Variants in ARF3 observed in about 807,000 individuals in gnomAD.
ARF3 encodes the protein ADP-ribosylation factor 3.
In ARF3, 5 loss-of-function variants were observed where a neutral mutation model predicts 19.3. That is an observed-to-expected ratio of 0.26 (90% CI 0.14 to 0.54). The LOEUF (loss-of-function observed/expected upper bound fraction) is 0.54. Among genes scored for constraint, ARF3 ranks in the 20% least tolerant of loss-of-function variants. ARF3 has a pLI of 0.95. For missense variants in ARF3, 77 were observed against 234.2 expected, an observed-to-expected ratio of 0.33 and a Z score of 4.38; for synonymous variants, 71 against 89.2, an observed-to-expected ratio of 0.80 and a Z score of 1.15.
intron 1 of ARF3, among the ~76,000 whole-genome samples, chr12:48,952,418 C>T (rs1446046016): frequency 1.3e-5 from 2 of 152,200 alleles, no homozygotes; most frequent in African/African-American, 4.8e-5. Flanking sequence ...TGTGGTACTG[C>T]CCTCTGCCCA....
intron 1 of ARF3, among the ~76,000 whole-genome samples, chr12:48,951,160 T>G (rs555065933): frequency 6.6e-6 from 1 of 152,358 alleles, no homozygotes; most frequent in East Asian, 1.9e-4. Context: ...CACGTGTGTT[T>G]TCTATTTTTG....
chr12:48,939,850 T>G lies in ARF3; in HGVS notation c.260-71A>C. Reference sequence around the variant, plus strand: ...CTCCCCCCAACCAAAAGACCACACCTGCCTGACACCCTCCAAATATTTGCT... The same window carrying G: ...CTCCCCCCAACCAAAAGACCACACCGGCCTGACACCCTCCAAATATTTGCT... On this transcript the variant is annotated intron_variant, in intron 3 of 4. Transcript: ENST00000256682. The surrounding 1 kb of genome is among the most constrained non-coding windows in gnomAD (Gnocchi z 4.8). The G allele has an allele frequency of 6.2e-7, 1 of 1,605,704 alleles. No individual in the cohort carries two copies. Among genetic ancestry groups the G allele is most frequent in the Non-Finnish European group, 8.5e-7 (1 of 1,173,618 alleles).
In ARF3 at chr12:48,937,016, AACACACCCACACCCATATACACACAC is replaced by A. The variant is rs1396301187; in HGVS notation, c.*1905_*1930del. On this transcript the variant is annotated 3_prime_UTR_variant, in exon 5 of 5. Coordinates refer to ENST00000256682, the MANE Select transcript of ARF3 (RefSeq NM_001659.3). ...ACCCCCCCCACAACCACCACACACAAACACACCCACACCCATATACACACACACTCACACACACACACAGGCCTAGA... is the reference window on the plus strand; with the variant it reads ...ACCCCCCCCACAACCACCACACACAAACTCACACACACACACAGGCCTAGA... 2.6e-5 allele frequency: 4 copies of A among 152,166 alleles called. No homozygotes were observed. The highest frequency in any genetic ancestry group is 5.9e-5 in the Non-Finnish European group (4 of 68,048). 9.4% of individuals were successfully genotyped at this position (152,166 alleles called of 1,614,324 possible).
intron 1 of ARF3, among the ~76,000 whole-genome samples, chr12:48,951,462 G>C (rs1168730178): frequency 6.6e-6 from 1 of 152,078 alleles, no homozygotes; most frequent in Non-Finnish European, 1.5e-5. Flanking sequence ...CAGGAGGCAA[G>C]ACTGGAGGAC....
In ARF3 at chr12:48,939,498, A is replaced by C. The variant is rs953611932; in HGVS notation, c.384+157T>G. On this transcript the variant is annotated intron_variant, in intron 4 of 4. Coordinates refer to ENST00000256682, the MANE Select transcript of ARF3 (RefSeq NM_001659.3). The surrounding 1 kb of genome is among the most constrained non-coding windows in gnomAD (Gnocchi z 4.8). ...TGCTAAATAAAGCTTGGGGTGGGGCACAAGAAGAGGGGCATAAAGAAGCCA... is the reference window on the plus strand; with the variant it reads ...TGCTAAATAAAGCTTGGGGTGGGGCCCAAGAAGAGGGGCATAAAGAAGCCA... Among the ~76,000 whole-genome samples, 1 of 152,198 alleles carries C rather than the reference A, an allele frequency of 6.6e-6. No individual in the cohort carries two copies. Among genetic ancestry groups the C allele is most frequent in the African/African-American group, 2.4e-5 (1 of 41,446 alleles).
rs1357357061 is a variant in ARF3 at position 48,938,344 on chromosome 12, T to A, written c.*603A>T. 2.2e-6 allele frequency: 1 copy of A among 453,796 alleles called. No homozygotes were observed. Among genetic ancestry groups the A allele is most frequent in the African/African-American group, 2.0e-5 (1 of 49,996 alleles). The allele number at this position is 453,796 out of a possible 1,614,324, so 28.1% of individuals were successfully genotyped here. A position where few individuals can be genotyped will look rare whatever the true frequency, so the allele number is the denominator to read the frequency against. ...ATGCCCTCCCACCTTCTTCCCTTAA[T>A]CTCACCAACACGGAAGGGGCAGATG... On this transcript the variant is annotated 3_prime_UTR_variant, in exon 5 of 5. Coordinates refer to ENST00000256682, the MANE Select transcript of ARF3 (RefSeq NM_001659.3).
chr12:48,948,582 G>A (rs1024122619), intron 1 of ARF3, among the ~76,000 whole-genome samples: 3 of 152,086 alleles, frequency 2.0e-5, no homozygotes, highest in Non-Finnish European at 2.9e-5. Context: ...GGAGGCCGAG[G>A]TGGGCGGATC....
intron 1 of ARF3, among the ~76,000 whole-genome samples, chr12:48,947,246 T>TA (rs1940374016): frequency 6.6e-6 from 1 of 151,958 alleles, no homozygotes; most frequent in African/African-American, 2.4e-5. Flanking sequence ...CGACTAGACT[T>TA]AAAGATTTCC....
chr12:48,942,973 G>A (rs1218372385), intron 1 of ARF3, among the ~76,000 whole-genome samples: 1 of 152,174 alleles, frequency 6.6e-6, no homozygotes, highest in Non-Finnish European at 1.5e-5. Flanking sequence ...CGGGCATGGT[G>A]GCACACTCCT....
At chr12:48,942,834 C>G (rs1385228095) in intron 1 of ARF3, among the ~76,000 whole-genome samples, 1 of 152,216 alleles carries the variant, frequency 6.6e-6, no homozygotes, top group African/African-American at 2.4e-5. Context: ...AGGCCGAGCG[C>G]AGTGGCTCAC....
At chr12:48,952,894 A>G (rs1940493690) in intron 1 of ARF3, among the ~76,000 whole-genome samples, 1 of 152,230 alleles carries the variant, frequency 6.6e-6, no homozygotes. Flanking sequence ...AGCTGGAGAT[A>G]CTGATCCTAT....
rs1457592214 is a variant in ARF3 at position 48,938,085 on chromosome 12, T to C, written c.*862A>G. ...GAAGGATCAGTTGAACACTCTAAGC[T>C]GATAAGAGTGAGTGGGTTCCTCTCT... On this transcript the variant is annotated 3_prime_UTR_variant, in exon 5 of 5. Transcript: ENST00000256682. 2 of 293,112 alleles carry C rather than the reference T, an allele frequency of 6.8e-6. No individual in the cohort carries two copies. The allele number at this position is 293,112 out of a possible 1,614,324, so 18.2% of individuals were successfully genotyped here. A position where few individuals can be genotyped will look rare whatever the true frequency, so the allele number is the denominator to read the frequency against.
At chr12:48,944,847 T>C (rs528455857) in intron 1 of ARF3, among the ~76,000 whole-genome samples, 1 of 152,294 alleles carries the variant, frequency 6.6e-6, no homozygotes, top group South Asian at 2.1e-4. Context: ...GATGAATAAC[T>C]GATAAAATAT....
chr12:48,951,986 G>C (rs1278139111), intron 1 of ARF3, among the ~76,000 whole-genome samples: 2 of 152,128 alleles, frequency 1.3e-5, no homozygotes, highest in African/African-American at 2.4e-5. Context: ...GGGAAATCAA[G>C]AGAGCAAGAC....
intron 2 of ARF3, among the ~76,000 whole-genome samples, chr12:48,940,729 C>T (rs1478898520): frequency 6.6e-6 from 1 of 152,162 alleles, no homozygotes; most frequent in Admixed American, 6.5e-5. Context: ...TGTTGAGTGC[C>T]AGGCCATGGA....
chr12:48,939,917 G>GT lies in ARF3; in HGVS notation c.259+79dup. The GT allele has an allele frequency of 6.3e-7, 1 of 1,584,256 alleles. No homozygotes were observed. The highest frequency in any genetic ancestry group is 8.7e-7 in the Non-Finnish European group (1 of 1,153,564). ...TTCTGCCCCCAGGAGCTGCAGCAGGGTAACAGTTGGCCACCCATTAACAAA... is the reference window on the plus strand; with the variant it reads ...TTCTGCCCCCAGGAGCTGCAGCAGGGTTAACAGTTGGCCACCCATTAACAAA... On this transcript the variant is annotated intron_variant, in intron 3 of 4. Coordinates refer to ENST00000256682, the MANE Select transcript of ARF3 (RefSeq NM_001659.3). The surrounding 1 kb of genome is among the most constrained non-coding windows in gnomAD (Gnocchi z 4.8).
At chr12:48,946,453 T>C (rs1565708745) in intron 1 of ARF3, among the ~76,000 whole-genome samples, 1 of 152,256 alleles carries the variant, frequency 6.6e-6, no homozygotes, top group African/African-American at 2.4e-5. Flanking sequence ...CATTGGCTGT[T>C]GGATACCAAG....
At chr12:48,943,417 A>G (rs1940300451) in intron 1 of ARF3, among the ~76,000 whole-genome samples, 1 of 152,172 alleles carries the variant, frequency 6.6e-6, no homozygotes, top group African/African-American at 2.4e-5. Context: ...ACCATATGCC[A>G]GCTGCTGGCA....
rs771455766 is a variant in ARF3, at chr12:48,938,123, T to C, written c.*824A>G. On this transcript the variant is annotated 3_prime_UTR_variant, in exon 5 of 5. Transcript: ENST00000256682. ...TGGGTTCCTCTCTCCTTCCCAACAG[T>C]AAGGCAGAGCAGAGTGGCATCTCCT... The C allele has an allele frequency of 1.0e-4, 33 of 321,746 alleles. No individual in the cohort carries two copies. The highest frequency in any genetic ancestry group is 1.8e-4 in the Non-Finnish European group (29 of 160,896). The allele number at this position is 321,746 out of a possible 1,614,324, so 19.9% of individuals were successfully genotyped here.
Sources: allele counts gnomAD v4.1 joint callset (sites outside exome capture counted in the v4.1 genomes callset), GRCh38; gene constraint gnomAD v4.1.1; non-coding constraint Gnocchi (gnomAD v3.1); transcripts MANE v1.5; gene names NCBI Gene and HGNC (gene_info 2026-07-23, HGNC 2026-07-21).